The following PTPRB variants were observed in gnomAD, a reference collection of about 807,000 sequenced individuals.
The protein encoded by PTPRB is protein tyrosine phosphatase receptor type B.
In PTPRB, 97 loss-of-function variants were observed where a neutral mutation model predicts 238.1. The ratio of observed to expected loss-of-function variants is 0.41; its 90% CI spans 0.35 to 0.48. The LOEUF is 0.48. Among genes scored for constraint, PTPRB ranks in the 20% least tolerant of loss-of-function variants. The pLI is 0.30. For synonymous variants in PTPRB, 970 were observed against 995.4 expected, an observed-to-expected ratio of 0.97 and a Z score of 0.48; for missense variants, 2,292 against 2,681.9, an observed-to-expected ratio of 0.85 and a Z score of 3.21.
Position 70,609,307 on chromosome 12 carries a change from G to C in PTPRB, c.741C>G (p.Phe247Leu). 1 of 1,614,022 alleles carries C rather than the reference G, an allele frequency of 6.2e-7. No homozygotes were observed. Among genetic ancestry groups the C allele is most frequent in the Non-Finnish European group, 8.5e-7 (1 of 1,179,906 alleles). ...TGLAEPERCN[F>L]TLAESKASSH... ...TGGAGGCCTTGGACTCCGCCAGGGT[G>C]AAGTTACATCTCTCTGGCTCCGCCA... Residue 247 changes from phenylalanine (F) to leucine (L), a missense_variant, in exon 4 of 34, where the codon TTC (phenylalanine) becomes TTG (leucine). Physicochemically the swap from Phe to Leu is conservative, Grantham distance 22. Transcript: ENST00000334414.
chr12:70,611,165 T>C (rs1884423923), intron 3 of PTPRB, among the ~76,000 whole-genome samples: 1 of 152,226 alleles, frequency 6.6e-6, no homozygotes, highest in South Asian at 2.1e-4. Context: ...GATGGCATAT[T>C]CCTTTCTTTT....
At chr12:70,599,643 A>G (rs1285852238) in intron 4 of PTPRB, among the ~76,000 whole-genome samples, 1 of 152,212 alleles carries the variant, frequency 6.6e-6, no homozygotes, top group East Asian at 1.9e-4. Context: ...AGTAAGTTCT[A>G]TAATATTCAT....
chr12:70,607,218 A>G (rs1054947535), intron 4 of PTPRB, among the ~76,000 whole-genome samples: 2 of 152,230 alleles, frequency 1.3e-5, no homozygotes, highest in African/African-American at 4.8e-5. Context: ...TTAAACAACC[A>G]TATTCTGGCT....
At chr12:70,600,819 A>G (rs10784862) in intron 4 of PTPRB, among the ~76,000 whole-genome samples, 35,709 of 151,578 alleles carry the variant, frequency 0.24, 4,337 homozygotes, top group African/African-American at 0.3. Flanking sequence ...CCTCAGCCTC[A>G]TGAGTAGCCA....
At chr12:70,593,220 A>G (rs1882662595) in intron 6 of PTPRB, among the ~76,000 whole-genome samples, 1 of 152,148 alleles carries the variant, frequency 6.6e-6, no homozygotes, top group Non-Finnish European at 1.5e-5. Flanking sequence ...AGCTTCCTTA[A>G]CAGAATGGGC....
chr12:70,540,513 A>T, intron 23 of PTPRB: 1 of 229,330 alleles, frequency 4.4e-6, no homozygotes, highest in Non-Finnish European at 8.5e-6. Flanking sequence ...TCAGAAAAGC[A>T]CTTGGGCATG....
intron 14 of PTPRB, among the ~76,000 whole-genome samples, chr12:70,569,062 CAT>C (rs959733502): frequency 2.5e-4 from 38 of 152,146 alleles, no homozygotes; most frequent in African/African-American, 8.9e-4. Flanking sequence ...TTGAAAAATG[CAT>C]AATTATGGAA....
intron 4 of PTPRB, among the ~76,000 whole-genome samples, chr12:70,596,593 A>G (rs926581012): frequency 6.6e-6 from 1 of 150,714 alleles, no homozygotes; most frequent in Non-Finnish European, 1.5e-5. Flanking sequence ...TGTTGTTGTT[A>G]AGGTAGCTCT....
intron 22 of PTPRB, 99 bp downstream of exon 22, chr12:70,544,458 A>C (rs1337801376): frequency 6.0e-6 from 5 of 826,558 alleles, no homozygotes; most frequent in Non-Finnish European, 9.8e-6. Context: ...TTCCAAATGA[A>C]AATAAATGTT....
At chr12:70,611,546 C>T (rs1189436656) in intron 3 of PTPRB, among the ~76,000 whole-genome samples, 5 of 152,110 alleles carry the variant, frequency 3.3e-5, no homozygotes, top group Non-Finnish European at 7.4e-5. Context: ...GTGATCGACC[C>T]GCCTTGGCCT....
intron 21 of PTPRB, among the ~76,000 whole-genome samples, chr12:70,548,234 A>G (rs1876320048): frequency 6.6e-6 from 1 of 151,756 alleles, no homozygotes; most frequent in Non-Finnish European, 1.5e-5. Context: ...AGGCTGAGGC[A>G]TGAGAATTGC....
rs1443169721 is a variant in PTPRB at position 70,560,651 on chromosome 12, T to C, written c.4432+20A>G. 2 of 1,610,700 alleles carry C rather than the reference T, an allele frequency of 1.2e-6. No individual in the cohort carries two copies. The highest frequency in any genetic ancestry group is 1.7e-6 in the Non-Finnish European group (2 of 1,177,714). On this transcript the variant is annotated intron_variant, in intron 17 of 33. Transcript: ENST00000334414. This position sits in a 1 kb window ranked among gnomAD's most constrained non-coding sequence, Gnocchi z 4.2. ...GCTACTTCCCACCATCCCTTGGCCA[T>C]TGGCACCTGGGCTTCTCACCTGTTC...
intron 28 of PTPRB, among the ~76,000 whole-genome samples, chr12:70,537,006 C>T (rs566587562): frequency 4.6e-5 from 7 of 152,156 alleles, no homozygotes; most frequent in African/African-American, 1.7e-4. Flanking sequence ...CAGACTCGGC[C>T]GGGCGCAGTG....
At position 70,566,557 on chromosome 12, in the gene PTPRB, T is replaced by C; in HGVS notation, c.3782A>G (p.Glu1261Gly). 6.2e-7 allele frequency: 1 copy of C among 1,614,058 alleles called. No homozygotes were observed. The highest frequency in any genetic ancestry group is 8.5e-7 in the Non-Finnish European group (1 of 1,179,904). ...TTTGTGTTGCTTAGTGGTGGCTGGC[T>C]CTGATGTGTTGCGCAGAAGGATTCC... ...ENGILLRNTSEPATTKQHKFE... is the reference protein window; with the variant it reads ...ENGILLRNTSGPATTKQHKFE... The change falls in exon 15 of 34, where the codon GAG (glutamate) becomes GGG (glycine). Residue 1261 changes from glutamate (E) to glycine (G), a missense_variant. Glu to Gly is a moderately conservative substitution (Grantham distance 98, BLOSUM62 -2). Coordinates refer to ENST00000334414, the MANE Select transcript of PTPRB (RefSeq NM_001109754.4).
intron 33 of PTPRB, 118 bp downstream of exon 33, chr12:70,524,353 G>A: frequency 2.7e-6 from 3 of 1,130,418 alleles, no homozygotes; most frequent in Non-Finnish European, 3.6e-6. Flanking sequence ...AGGCTCAAGT[G>A]ATCCTCCTGC....
chr12:70,550,901 CTTTT>C (rs1876777548), intron 21 of PTPRB, among the ~76,000 whole-genome samples: 1 of 143,628 alleles, frequency 7.0e-6, no homozygotes, highest in African/African-American at 2.7e-5. Flanking sequence ...TTTTTTTTTT[CTTTT>C]TTATTTTTTA....
chr12:70,559,472 T>C lies in PTPRB; in HGVS notation c.4585A>G (p.Asn1529Asp). Reference sequence around the variant, plus strand: ...ACAATGCGTCCTTCTGATTTTCTGTTGTTGTAGGGGTTGAAGACAGTAAGT... The same window carrying C: ...ACAATGCGTCCTTCTGATTTTCTGTCGTTGTAGGGGTTGAAGACAGTAAGT... ...DALTVFNPYN[N>D]RKSEGRIVYG... The change falls in exon 18 of 34, where the codon AAC becomes GAC. Residue 1529 changes from asparagine (N) to aspartate (D), a missense_variant. Around this residue, in one of 4 missense-constraint regions of PTPRB, gnomAD observed 683 missense variants for 862.0 expected, o/e 0.79. Transcript: ENST00000334414. 4 of 1,613,942 alleles carry C rather than the reference T, an allele frequency of 2.5e-6. No homozygotes were observed. The highest frequency in any genetic ancestry group is 3.4e-6 in the Non-Finnish European group (4 of 1,179,888).
intron 3 of PTPRB, among the ~76,000 whole-genome samples, chr12:70,617,490 C>T (rs1884730169): frequency 6.6e-6 from 1 of 152,160 alleles, no homozygotes; most frequent in Admixed American, 6.5e-5. Context: ...TTCCTTTCCC[C>T]CTCTCCCCCG....
intron 3 of PTPRB, among the ~76,000 whole-genome samples, chr12:70,617,473 G>A (rs905900167): frequency 6.6e-6 from 1 of 152,138 alleles, no homozygotes; most frequent in Non-Finnish European, 1.5e-5. Flanking sequence ...AAGGATCAGA[G>A]GATGGTTTCC....
Sources: gnomAD v4.1 joint callset for allele counts (sites outside exome capture counted in the v4.1 genomes callset) on GRCh38, gnomAD v4.1.1 for gene constraint, gnomAD v4.1.1 regional missense constraint, Gnocchi (gnomAD v3.1) non-coding constraint, MANE v1.5 for transcripts, NCBI Gene and HGNC (gene_info 2026-07-23, HGNC 2026-07-21) for gene names.